Variants in CNTN4 observed in about 807,000 individuals in gnomAD.
CNTN4 encodes the protein contactin 4, also known as contactin-4.
CNTN4 carries 77 observed loss-of-function variants against 122.5 expected under a neutral mutation model. The observed-to-expected ratio is 0.63, with a 90% confidence interval of 0.52 to 0.76. The LOEUF (loss-of-function observed/expected upper bound fraction) is 0.76, where lower values mean the gene tolerates loss of function less well. Among genes scored for constraint, CNTN4 ranks in the 30% least tolerant of loss-of-function variants. The pLI is 0.00. For synonymous variants in CNTN4, 512 were observed against 447.0 expected, an observed-to-expected ratio of 1.15 and a Z score of -1.83; for missense variants, 1,256 against 1,259.1, an observed-to-expected ratio of 1.00 and a Z score of 0.04.
In CNTN4 at chr3:2,903,004, A is replaced by T; in HGVS notation, c.1206A>T (p.Ile402=). The change falls in exon 12 of 25, where the codon ATA becomes ATT. Residue 402 remains isoleucine, a splice_region_variant and synonymous_variant. Coordinates refer to ENST00000418658, the MANE Select transcript of CNTN4 (RefSeq NM_175607.3). The part of the protein sequence containing the change: ...VIFSNAELSV[I]AVGPDFSRTL... ...TTTCCAACGCAGAGCTTAGTGTTAT[A>T]GGTGAGTCTTTATACTGGCAAGAAA... 1 of 1,613,656 alleles carries T rather than the reference A, an allele frequency of 6.2e-7. No individual in the cohort carries two copies. The highest frequency in any genetic ancestry group is 8.5e-7 in the Non-Finnish European group (1 of 1,179,752).
At chr3:2,295,328 C>T (rs1194798743) in intron 2 of CNTN4, among the ~76,000 whole-genome samples, 1 of 137,840 alleles carries the variant, frequency 7.3e-6, no homozygotes, top group Middle Eastern at 3.2e-3. Context: ...TCCACATCCT[C>T]TCCAGCACCT....
chr3:2,419,553 T>C (rs368681158), intron 3 of CNTN4, among the ~76,000 whole-genome samples: 15 of 152,206 alleles, frequency 9.9e-5, no homozygotes, highest in South Asian at 6.2e-4. Context: ...TAAGGTAACA[T>C]TGCGAATAGT....
At chr3:2,816,890 G>GA (rs1390293125) in intron 6 of CNTN4, among the ~76,000 whole-genome samples, 1 of 149,986 alleles carries the variant, frequency 6.7e-6, no homozygotes, top group Admixed American at 6.6e-5. Context: ...ATAACTGAAG[G>GA]AAAAAAATTT....
chr3:2,640,611 A>G (rs1442149292), intron 4 of CNTN4, among the ~76,000 whole-genome samples: 3 of 151,444 alleles, frequency 2.0e-5, no homozygotes, highest in Non-Finnish European at 4.4e-5. Flanking sequence ...ACACAAGAAC[A>G]GCTCTTTAAT....
At chr3:2,682,599 A>G (rs1487800520) in intron 4 of CNTN4, among the ~76,000 whole-genome samples, 2 of 152,206 alleles carry the variant, frequency 1.3e-5, no homozygotes, top group Non-Finnish European at 1.5e-5. Flanking sequence ...GTAACAATAC[A>G]GAAGCAAAGT....
At position 3,042,479 on chromosome 3, in the gene CNTN4, C is replaced by G. The variant is rs1337632792; in HGVS notation, c.2511+57C>G. 4 of 1,116,982 alleles carry G rather than the reference C, an allele frequency of 3.6e-6. No homozygotes were observed. In the Admixed American group the frequency reaches 5.2e-5, roughly 15 times the overall value. 69.2% of individuals were successfully genotyped at this position (1,116,982 alleles called of 1,614,324 possible). A position where few individuals can be genotyped will look rare whatever the true frequency, so the allele number is the denominator to read the frequency against. ...AGAGAGTCTATGCCCCTTGATAAGT[C>G]CTCCAAGTCACATTCTTATAGGAAG... On this transcript the variant is annotated intron_variant, in intron 21 of 24. Coordinates refer to ENST00000418658, the MANE Select transcript of CNTN4 (RefSeq NM_175607.3).
chr3:2,555,468 G>T (rs1383334899), intron 3 of CNTN4, among the ~76,000 whole-genome samples: 1 of 152,110 alleles, frequency 6.6e-6, no homozygotes, highest in African/African-American at 2.4e-5. Flanking sequence ...TAGTAGCAAA[G>T]GCATAAAGAC....
At chr3:2,160,854 A>T (rs1315362237) in intron 2 of CNTN4, among the ~76,000 whole-genome samples, 2 of 152,156 alleles carry the variant, frequency 1.3e-5, no homozygotes, top group African/African-American at 4.8e-5. Flanking sequence ...TATGTATTGA[A>T]CACCTTCCTT....
At chr3:2,340,708 T>TAGAGAGAGAGAGAGAGAGAGAGGGGG (rs1414538595) in intron 3 of CNTN4, among the ~76,000 whole-genome samples, 1 of 25,360 alleles carries the variant, frequency 3.9e-5, no homozygotes, top group Non-Finnish European at 1.1e-4. Context: ...TATATATATA[T>TAGAGAGAGAGAGAGAGAGAGAGGGGG]ATAGAGAGAG....
At chr3:2,792,755 G>C (rs1001256028) in intron 6 of CNTN4, among the ~76,000 whole-genome samples, 1 of 152,224 alleles carries the variant, frequency 6.6e-6, no homozygotes, top group African/African-American at 2.4e-5. Flanking sequence ...CCTTGTGAGA[G>C]AGAATAGGGT....
At chr3:2,200,794 G>A (rs752549282) in intron 2 of CNTN4, among the ~76,000 whole-genome samples, 4 of 152,126 alleles carry the variant, frequency 2.6e-5, no homozygotes, top group Non-Finnish European at 4.4e-5. Context: ...AATGAATGTG[G>A]TGCATTTTGA....
At chr3:2,589,558 T>C (rs2080364633) in intron 4 of CNTN4, among the ~76,000 whole-genome samples, 1 of 152,186 alleles carries the variant, frequency 6.6e-6, no homozygotes, top group Non-Finnish European at 1.5e-5. Context: ...GCAAGTGTCA[T>C]TCTCAACTTT....
chr3:2,863,444 C>CTTTTT (rs5846228), intron 7 of CNTN4, among the ~76,000 whole-genome samples: 1,569 of 92,250 alleles, frequency 0.017, 90 homozygotes, highest in African/African-American at 0.059. Context: ...ATGGTTTCTT[C>CTTTTT]TTTTTTTTTT....
chr3:2,428,505 A>T (rs2047931653), intron 3 of CNTN4, among the ~76,000 whole-genome samples: 1 of 151,986 alleles, frequency 6.6e-6, no homozygotes, highest in Admixed American at 6.6e-5. Context: ...TGCCCTTAAC[A>T]TTTTTTCCTT....
chr3:2,223,395 C>A (rs1320738640), intron 2 of CNTN4, among the ~76,000 whole-genome samples: 1 of 152,174 alleles, frequency 6.6e-6, no homozygotes, highest in African/African-American at 2.4e-5. Flanking sequence ...TAAAACTAAA[C>A]TTCTTGTATA....
chr3:2,344,205 C>T (rs1024922944), intron 3 of CNTN4, among the ~76,000 whole-genome samples: 1 of 152,026 alleles, frequency 6.6e-6, no homozygotes, highest in Admixed American at 6.6e-5. Flanking sequence ...AGCAGATTGT[C>T]ATTCAAATCC....
In CNTN4 at chr3:2,268,301, G is replaced by T. The variant is rs73020353; in HGVS notation, c.-144-70877G>T. Among the ~76,000 whole-genome samples, 1,227 of 152,022 alleles carry T rather than the reference G, an allele frequency of 8.1e-3. 15 individuals carry two copies. Among genetic ancestry groups the T allele is most frequent in the Admixed American group, 0.012 (179 of 15,236 alleles). ...CAAGCCTATATGTTATTATGGATCA[G>T]AATTGAGATTTCATGCTCAGTTTTA... is the stretch of plus-strand genomic sequence containing the variant. On this transcript the variant is annotated intron_variant, in intron 2 of 24. Coordinates refer to ENST00000418658, the MANE Select transcript of CNTN4 (RefSeq NM_175607.3).
chr3:2,148,942 C>CTG (rs59161687), intron 2 of CNTN4, among the ~76,000 whole-genome samples: 39,052 of 149,050 alleles, frequency 0.26, 5,924 homozygotes, highest in Admixed American at 0.36. Context: ...ACTACCGTGA[C>CTG]TGTGTGTGTG....
At chr3:2,650,066 T>C (rs2083294579) in intron 4 of CNTN4, among the ~76,000 whole-genome samples, 1 of 143,752 alleles carries the variant, frequency 7.0e-6, no homozygotes, top group Non-Finnish European at 1.5e-5. Flanking sequence ...ATAAAATATG[T>C]ATTTTTATAA....
Sources: gnomAD v4.1 joint callset for allele counts (sites outside exome capture counted in the v4.1 genomes callset) on GRCh38, gnomAD v4.1.1 for gene constraint, MANE v1.5 for transcripts, NCBI Gene and HGNC (gene_info 2026-07-23, HGNC 2026-07-21) for gene names.